Variants in SENP8 observed in about 807,000 individuals in gnomAD.
SENP8 encodes sentrin-specific protease 8.
A neutral mutation model predicts 14.4 loss-of-function variants in SENP8; 10 were observed. That is an observed-to-expected ratio of 0.69 (90% CI 0.43 to 1.18). SENP8 has a LOEUF of 1.18. Ranked by LOEUF, SENP8 falls within the 50% of genes most tolerant of loss-of-function variation. The pLI, the probability that SENP8 is intolerant of heterozygous loss-of-function variation, is 0.00. For missense variants in SENP8, 202 were observed against 249.4 expected, an observed-to-expected ratio of 0.81 and a Z score of 1.28; for synonymous variants, 94 against 95.5, an observed-to-expected ratio of 0.98 and a Z score of 0.09.
At chr15:72,130,440 C>G (rs1017491501) in intron 1 of SENP8, among the ~76,000 whole-genome samples, 1 of 151,472 alleles carries the variant, frequency 6.6e-6, no homozygotes, top group Non-Finnish European at 1.5e-5. Context: ...AGTATGTGAA[C>G]AAATGAACAT....
upstream of SENP8, chr15:72,117,651 G>A (rs2081047663): frequency 2.5e-6 from 1 of 395,774 alleles, no homozygotes; most frequent in Non-Finnish European, 4.5e-6. Flanking sequence ...ACGGGCTGCA[G>A]GGCCGCTGGG....
At chr15:72,127,176 G>A (rs1203336484) in intron 1 of SENP8, among the ~76,000 whole-genome samples, 2 of 152,130 alleles carry the variant, frequency 1.3e-5, no homozygotes, top group South Asian at 2.1e-4. Flanking sequence ...GCCCCTCGTC[G>A]TCTTATTTTC....
rs757761741 is a variant in SENP8 at position 72,140,121 on chromosome 15, C to T, written c.498C>T (p.Tyr166=). Residue 166 remains tyrosine (Y), a synonymous_variant, in exon 2 of 2, where the codon TAC becomes TAT. Transcript: ENST00000340912. ...AQQNSYDCGM[Y]VICNTEALCQ... ...AAAACAGCTATGACTGTGGGATGTA[C>T]GTGATATGTAACACTGAGGCCTTGT... 16 of 1,613,980 alleles carry T rather than the reference C, an allele frequency of 9.9e-6. No homozygotes were observed. Among genetic ancestry groups the T allele is most frequent in the Admixed American group, 1.7e-5 (1 of 60,004 alleles).
chr15:72,135,583 TAG>T (rs1259975308), intron 1 of SENP8: 1 of 152,206 alleles, frequency 6.6e-6, no homozygotes, highest in Non-Finnish European at 1.5e-5. Context: ...ATACGAAGTT[TAG>T]AGTTATTTTT....
At chr15:72,120,404 G>A (rs2081155374) in intron 1 of SENP8, among the ~76,000 whole-genome samples, 1 of 152,166 alleles carries the variant, frequency 6.6e-6, no homozygotes, top group African/African-American at 2.4e-5. Context: ...TATGGCTAGA[G>A]CATAGTATGG....
intron 1 of SENP8, among the ~76,000 whole-genome samples, chr15:72,122,319 C>A (rs1438498609): frequency 6.6e-6 from 1 of 150,650 alleles, no homozygotes; most frequent in Non-Finnish European, 1.5e-5. Context: ...AGTCAGAACT[C>A]CTCTCTTTTT....
At chr15:72,133,287 G>T (rs956154525) in intron 1 of SENP8, among the ~76,000 whole-genome samples, 3 of 152,122 alleles carry the variant, frequency 2.0e-5, no homozygotes, top group Non-Finnish European at 2.9e-5. Flanking sequence ...GCCATTAATG[G>T]CTCCCACTTC....
rs1422574211 is a variant in SENP8 at position 72,141,552 on chromosome 15, T to G, written c.*1290T>G. ...TTCAGCTACCTCCCCAGCCTAACCC[T>G]GCCCCCAGCCCTCATGGCCCAAAAT... On this transcript the variant is annotated 3_prime_UTR_variant, in exon 2 of 2. Transcript: ENST00000340912. The G allele has an allele frequency of 6.6e-6, 1 of 152,222 alleles. No individual in the cohort carries two copies. Among genetic ancestry groups the G allele is most frequent in the Non-Finnish European group, 1.5e-5 (1 of 68,038 alleles). 9.4% of individuals were successfully genotyped at this position (152,222 alleles called of 1,614,324 possible).
intron 1 of SENP8, 170 bp from the exon 2 acceptor site, chr15:72,139,407 G>T: frequency 1.8e-6 from 1 of 547,094 alleles, no homozygotes. Flanking sequence ...GCTGTCTCAG[G>T]GGTGGCAGAG....
At position 72,139,751 on chromosome 15, in the gene SENP8, A is replaced by G. The variant is rs1567071837; in HGVS notation, c.128A>G (p.Gln43Arg). The G allele has an allele frequency of 1.2e-6, 2 of 1,614,200 alleles. No individual in the cohort carries two copies. The highest frequency in any genetic ancestry group is 8.5e-7 in the Non-Finnish European group (1 of 1,180,040). Residue 43 changes from glutamine to arginine, a missense_variant, in exon 2 of 2, where the codon CAG (glutamine) becomes CGG (arginine). Coordinates refer to ENST00000340912, the MANE Select transcript of SENP8 (RefSeq NM_145204.4). ...GCGTTTGAGTACTTTGCCAACAGTC[A>G]GTTTCATGACTGCTCTGATCACGTC... ...GFAFEYFANS[Q>R]FHDCSDHVSF...
At chr15:72,119,126 A>G (rs1030752064) in intron 1 of SENP8, among the ~76,000 whole-genome samples, 2 of 152,222 alleles carry the variant, frequency 1.3e-5, no homozygotes, top group African/African-American at 4.8e-5. Flanking sequence ...AGGAACGAGA[A>G]TATGGCCCTC....
At chr15:72,136,983 C>T (rs539489773) in intron 1 of SENP8, among the ~76,000 whole-genome samples, 2 of 152,198 alleles carry the variant, frequency 1.3e-5, no homozygotes, top group Non-Finnish European at 2.9e-5. Context: ...TTTCATCACA[C>T]AACTTGTCTT....
At chr15:72,133,029 G>GT (rs1417909841) in intron 1 of SENP8, among the ~76,000 whole-genome samples, 2 of 152,112 alleles carry the variant, frequency 1.3e-5, no homozygotes, top group Non-Finnish European at 2.9e-5. Flanking sequence ...AAATTAGCCA[G>GT]GCATGGTGCC....
chr15:72,119,866 C>T (rs1036369753), intron 1 of SENP8, among the ~76,000 whole-genome samples: 3 of 152,230 alleles, frequency 2.0e-5, no homozygotes, highest in Non-Finnish European at 4.4e-5. Flanking sequence ...GAAGGAGCCA[C>T]TCTTGCCTTT....
In SENP8 at chr15:72,139,745, A is replaced by G. The variant is rs767560742; in HGVS notation, c.122A>G (p.Asn41Ser). 6.2e-7 allele frequency: 1 copy of G among 1,614,188 alleles called. No individual in the cohort carries two copies. Among genetic ancestry groups the G allele is most frequent in the Non-Finnish European group, 8.5e-7 (1 of 1,180,038 alleles). The change falls in exon 2 of 2, where the codon AAC (asparagine) becomes AGC (serine). Residue 41 changes from asparagine (N) to serine (S), a missense_variant. Transcript: ENST00000340912. ...GGGTTTGCGTTTGAGTACTTTGCCA[A>G]CAGTCAGTTTCATGACTGCTCTGAT... Reference protein sequence around the residue: ...IIGFAFEYFANSQFHDCSDHV... With the variant: ...IIGFAFEYFASSQFHDCSDHV...
intron 1 of SENP8, among the ~76,000 whole-genome samples, chr15:72,132,493 G>A (rs2081282975): frequency 1.3e-5 from 2 of 151,856 alleles, no homozygotes; most frequent in African/African-American, 2.4e-5. Flanking sequence ...GATATGCCAG[G>A]CACAGTGCTC....
chr15:72,133,683 A>G (rs917940494), intron 1 of SENP8, among the ~76,000 whole-genome samples: 1 of 152,232 alleles, frequency 6.6e-6, no homozygotes, highest in Non-Finnish European at 1.5e-5. Flanking sequence ...CTCCCATAGC[A>G]TCTAATATGA....
At chr15:72,134,288 T>A (rs1318823185) in intron 1 of SENP8, among the ~76,000 whole-genome samples, 5 of 152,196 alleles carry the variant, frequency 3.3e-5, no homozygotes, top group Non-Finnish European at 7.4e-5. Context: ...ATATTCTTAT[T>A]CTCACTTTAA....
chr15:72,138,582 T>C (rs888369735), intron 1 of SENP8, among the ~76,000 whole-genome samples: 4 of 150,906 alleles, frequency 2.7e-5, no homozygotes, highest in Non-Finnish European at 5.9e-5. Context: ...ACTCCTGACC[T>C]CAAGTGATCT....
Sources: allele counts gnomAD v4.1 joint callset (sites outside exome capture counted in the v4.1 genomes callset), GRCh38; gene constraint gnomAD v4.1.1; transcripts MANE v1.5; gene names NCBI Gene and HGNC (gene_info 2026-07-23, HGNC 2026-07-21).